Variants in MTUS2 observed in about 807,000 individuals in gnomAD.
MTUS2 encodes the protein microtubule associated scaffold protein 2.
MTUS2 carries 40 observed loss-of-function variants against 114.1 expected under a neutral mutation model. The observed-to-expected ratio is 0.35, with a 90% CI of 0.27 to 0.46. The LOEUF (loss-of-function observed/expected upper bound fraction) is 0.46. MTUS2 is among the 20% of genes least tolerant of loss of function. The pLI is 1.00. For missense variants in MTUS2, 1,679 were observed against 1,705.4 expected, an observed-to-expected ratio of 0.98 and a Z score of 0.27; for synonymous variants, 688 against 672.0, an observed-to-expected ratio of 1.02 and a Z score of -0.37.
chr13:29,113,945 T>A (rs555271127), intron 5 of MTUS2, among the ~76,000 whole-genome samples: 4 of 152,152 alleles, frequency 2.6e-5, no homozygotes, highest in Non-Finnish European at 4.4e-5. Context: ...CTTTGGTATG[T>A]CCTTGTGATA....
At chr13:29,229,575 G>A (rs150266959) in intron 5 of MTUS2, among the ~76,000 whole-genome samples, 191 of 152,252 alleles carry the variant, frequency 1.3e-3, no homozygotes, top group African/African-American at 4.3e-3. Context: ...GTTGGACTCG[G>A]TCTCAATTTA....
chr13:29,281,961 G>A lies in MTUS2; in HGVS notation c.2806+96G>A, dbSNP rs546678485. ...AGCCCCTGTGTACATCAGTTATTTA[G>A]AAGGGATGATTGATTAAATGATAGT... On this transcript the variant is annotated intron_variant, in intron 6 of 15. Transcript: ENST00000612955. 3.0e-5 allele frequency: 39 copies of A among 1,313,578 alleles called. No individual in the cohort carries two copies. The African/African-American group carries it at 5.0e-4, about 17-fold the overall frequency. 81.4% of individuals were successfully genotyped at this position (1,313,578 alleles called of 1,614,324 possible).
chr13:29,009,352 C>CTATT (rs1566288667), intron 2 of MTUS2, among the ~76,000 whole-genome samples: 1 of 150,944 alleles, frequency 6.6e-6, no homozygotes, highest in Non-Finnish European at 1.5e-5. Flanking sequence ...ATGTATTGTA[C>CTATT]ACTATTAACT....
intron 8 of MTUS2, among the ~76,000 whole-genome samples, chr13:29,399,490 G>A (rs573415931): frequency 3.5e-4 from 53 of 152,234 alleles, no homozygotes; most frequent in African/African-American, 1.2e-3. Context: ...ACGGTTCAAA[G>A]ATTATCAAAA....
chr13:28,938,356 GGTGACAGAGTGAGAC>G lies in MTUS2; in HGVS notation c.-242-86100_-242-86086del, dbSNP rs1485883341. On this transcript the variant is annotated intron_variant, in intron 2 of 15. Coordinates refer to ENST00000612955, the MANE Select transcript of MTUS2 (RefSeq NM_001033602.4). ...AGATTGTGCCACTGCACTCCAGCCT[GGTGACAGAGTGAGAC>G]TCTGTCTCAAAAAAAAAAAAAATAG... 3.3e-5 allele frequency among the ~76,000 whole-genome samples: 5 copies of G among 151,450 alleles called. No homozygotes were observed. The East Asian group carries it at 9.7e-4, about 29-fold the overall frequency.
At chr13:29,440,445 G>C (rs1215407498) in intron 9 of MTUS2, among the ~76,000 whole-genome samples, 1 of 152,138 alleles carries the variant, frequency 6.6e-6, no homozygotes, top group African/African-American at 2.4e-5. Context: ...TCTAGAACAA[G>C]GTCAAAAGCA....
intron 8 of MTUS2, chr13:29,428,816 G>A (rs1264620040): frequency 1.2e-6 from 2 of 1,613,616 alleles, no homozygotes; most frequent in Non-Finnish European, 1.7e-6. Context: ...GAATGAAGGA[G>A]GTCCCCTTGC....
rs567579865 is a variant in MTUS2, at chr13:28,926,692, G to C, written c.-243+86842G>C. 1.1e-4 allele frequency among the ~76,000 whole-genome samples: 16 copies of C among 152,156 alleles called. 1 individual carries two copies. In the South Asian group the frequency reaches 2.5e-3, roughly 24 times the overall value. The stretch of plus-strand genomic sequence containing the variant: ...ATTTTGGTAGTTGATTGTGCATTCT[G>C]ATTTCATCTCTTTATTGAGAGTAGT... On this transcript the variant is annotated intron_variant, in intron 2 of 15. Transcript: ENST00000612955.
intron 4 of MTUS2, among the ~76,000 whole-genome samples, chr13:29,078,269 T>G (rs922257572): frequency 3.9e-5 from 6 of 152,326 alleles, no homozygotes; most frequent in Admixed American, 6.5e-5. Context: ...TTTTATTCAT[T>G]TAGAAGAGTC....
intron 2 of MTUS2, among the ~76,000 whole-genome samples, chr13:28,969,852 C>A (rs1883772576): frequency 6.6e-6 from 1 of 152,196 alleles, no homozygotes; most frequent in Non-Finnish European, 1.5e-5. Flanking sequence ...ACAGTCTTAG[C>A]TCACTGCAAC....
chr13:28,956,421 C>T (rs1171260406), intron 2 of MTUS2, among the ~76,000 whole-genome samples: 10 of 152,242 alleles, frequency 6.6e-5, no homozygotes, highest in Non-Finnish European at 7.4e-5. Context: ...GGTCTACCTG[C>T]TCCACCCCCA....
At chr13:29,204,600 C>T (rs1437817296) in intron 5 of MTUS2, among the ~76,000 whole-genome samples, 1 of 152,234 alleles carries the variant, frequency 6.6e-6, no homozygotes, top group Non-Finnish European at 1.5e-5. Flanking sequence ...CATCCTTAAC[C>T]TGGGAGCGGA....
At chr13:29,005,789 A>G (rs752505703) in intron 2 of MTUS2, among the ~76,000 whole-genome samples, 3 of 152,242 alleles carry the variant, frequency 2.0e-5, no homozygotes, top group Admixed American at 6.5e-5. Context: ...AACCTAGGAC[A>G]TAGTCTGCGC....
Position 29,050,537 on chromosome 13 carries a change from G to T in MTUS2, c.2446+16412G>T, listed in dbSNP as rs372984896. On this transcript the variant is annotated intron_variant, in intron 4 of 15. Transcript: ENST00000612955. ...TCCCTGATTCTCAAATATGCCCCAG[G>T]GGTGCTCTCCCTCTCCCTTGGCATC... Among the ~76,000 whole-genome samples, 125 of 152,094 alleles carry T rather than the reference G, an allele frequency of 8.2e-4. 1 individual carries two copies. The highest frequency in any genetic ancestry group is 2.9e-3 in the African/African-American group (120 of 41,508).
At chr13:29,383,433 GC>G (rs1474891345) in intron 8 of MTUS2, among the ~76,000 whole-genome samples, 3 of 152,072 alleles carry the variant, frequency 2.0e-5, no homozygotes, top group Non-Finnish European at 4.4e-5. Context: ...TCCTCTGGAG[GC>G]CCTGCAGCAA....
rs1455160759 is a variant in MTUS2, at chr13:29,503,710, C to T, written c.*504C>T. 8.7e-6 allele frequency: 2 copies of T among 229,588 alleles called. No homozygotes were observed. The highest frequency in any genetic ancestry group is 1.7e-5 in the Non-Finnish European group (2 of 117,278). 14.2% of individuals were successfully genotyped at this position (229,588 alleles called of 1,614,324 possible). On this transcript the variant is annotated 3_prime_UTR_variant, in exon 16 of 16. Transcript: ENST00000612955. ...ATGAAAATGCATTTCTATCTAGCTT[C>T]CCAGGAATATTTCTACCCAAAATAG...
At chr13:29,403,272 A>T (rs139610972) in intron 8 of MTUS2, among the ~76,000 whole-genome samples, 279 of 152,156 alleles carry the variant, frequency 1.8e-3, no homozygotes, top group African/African-American at 6.5e-3. Context: ...GTGTTTCTTC[A>T]GCAGCTCTTA....
chr13:28,998,107 A>G (rs140888772), intron 2 of MTUS2, among the ~76,000 whole-genome samples: 4,303 of 151,770 alleles, frequency 0.028, 109 homozygotes, highest in Non-Finnish European at 0.039. Flanking sequence ...GTCTCTCAGC[A>G]TTTGCTTTGC....
intron 7 of MTUS2, among the ~76,000 whole-genome samples, chr13:29,325,307 A>G (rs1900434214): frequency 1.3e-5 from 2 of 152,010 alleles, no homozygotes; most frequent in South Asian, 2.1e-4. Flanking sequence ...AATATAAAAA[A>G]TAGCTGGGTG....
Sources: gnomAD v4.1 joint callset for allele counts (sites outside exome capture counted in the v4.1 genomes callset) on GRCh38, gnomAD v4.1.1 for gene constraint, MANE v1.5 for transcripts, NCBI Gene and HGNC (gene_info 2026-07-23, HGNC 2026-07-21) for gene names.